The following ABHD17B variants were observed in gnomAD, a reference collection of about 807,000 sequenced individuals.
The protein encoded by ABHD17B is alpha/beta hydrolase domain-containing protein 17B.
Under a neutral mutation model 26.2 loss-of-function variants are expected in ABHD17B, and 9 were observed. That is an observed-to-expected ratio of 0.34 (90% CI 0.21 to 0.60). ABHD17B has a LOEUF of 0.60. Ranked by LOEUF, ABHD17B falls within the 20% of genes least tolerant of loss-of-function variation. The pLI, the probability that ABHD17B is intolerant of heterozygous loss-of-function variation, is 0.80. For missense variants in ABHD17B, 224 were observed against 352.1 expected (o/e 0.64, Z 2.91); for synonymous variants, 127 against 122.3 (o/e 1.04, Z -0.25).
At chr9:71,872,772 A>AT (rs1431219337) in intron 2 of ABHD17B, among the ~76,000 whole-genome samples, 17 of 152,274 alleles carry the variant, frequency 1.1e-4, no homozygotes, top group African/African-American at 4.1e-4. Context: ...TGATATCAAT[A>AT]TATGTAAAAG....
At chr9:71,863,358 A>G (rs1439532503), downstream of ABHD17B, among the ~76,000 whole-genome samples, 1 of 152,234 alleles carries the variant, frequency 6.6e-6, no homozygotes, top group South Asian at 2.1e-4. Context: ...ATTAATTTCT[A>G]GTGAGAAAAC....
intron 1 of ABHD17B, among the ~76,000 whole-genome samples, chr9:71,908,392 CAAAAAA>C (rs371201006): frequency 5.0e-5 from 2 of 39,804 alleles, no homozygotes; most frequent in African/African-American, 8.8e-5. Context: ...AACTCCGTCT[CAAAAAA>C]AAAAAAAAAA....
intron 1 of ABHD17B, among the ~76,000 whole-genome samples, chr9:71,882,581 T>G (rs913289645): frequency 6.7e-6 from 1 of 150,204 alleles, no homozygotes; most frequent in African/African-American, 2.5e-5. Flanking sequence ...TTGCTTGAAC[T>G]CGGGAGGCGG....
chr9:71,879,697 A>T (rs371321608), intron 1 of ABHD17B, among the ~76,000 whole-genome samples: 1 of 152,266 alleles, frequency 6.6e-6, no homozygotes, highest in Admixed American at 6.5e-5. Flanking sequence ...AAAGGCTTCC[A>T]CTACTACTAA....
At chr9:71,878,527 T>C (rs1022754329) in intron 1 of ABHD17B, among the ~76,000 whole-genome samples, 1 of 152,150 alleles carries the variant, frequency 6.6e-6, no homozygotes, top group African/African-American at 2.4e-5. Flanking sequence ...GATGAACATA[T>C]GACTTTCTAA....
chr9:71,894,784 C>T (rs966099979), intron 1 of ABHD17B, among the ~76,000 whole-genome samples: 1 of 152,016 alleles, frequency 6.6e-6, no homozygotes, highest in African/African-American at 2.4e-5. Context: ...ATGATCACAC[C>T]ATGGCACTAC....
intron 1 of ABHD17B, among the ~76,000 whole-genome samples, chr9:71,888,694 G>A (rs957210864): frequency 2.0e-5 from 3 of 151,838 alleles, no homozygotes; most frequent in African/African-American, 7.3e-5. Flanking sequence ...ATTTCTAAGA[G>A]TTTATACAAA....
At chr9:71,903,722 C>G (rs560616084) in intron 1 of ABHD17B, among the ~76,000 whole-genome samples, 1 of 152,332 alleles carries the variant, frequency 6.6e-6, no homozygotes, top group South Asian at 2.1e-4. Flanking sequence ...ATTTACTGCA[C>G]TGACTGGTTC....
At chr9:71,870,739 T>C (rs1195726876) in intron 2 of ABHD17B, among the ~76,000 whole-genome samples, 1 of 152,202 alleles carries the variant, frequency 6.6e-6, no homozygotes, top group Non-Finnish European at 1.5e-5. Flanking sequence ...CATATAGTTA[T>C]GGTATGAAAT....
intron 1 of ABHD17B, among the ~76,000 whole-genome samples, chr9:71,875,518 G>A (rs913459573): frequency 6.6e-6 from 1 of 152,096 alleles, no homozygotes; most frequent in East Asian, 1.9e-4. Flanking sequence ...AAGCCACCAC[G>A]CCCGGCCTTT....
chr9:71,864,115 T>C (rs575578111), downstream of ABHD17B, among the ~76,000 whole-genome samples: 7 of 152,128 alleles, frequency 4.6e-5, no homozygotes, highest in South Asian at 1.5e-3. Flanking sequence ...TTCCTTTTTC[T>C]ATCAATGGCC....
intron 1 of ABHD17B, among the ~76,000 whole-genome samples, chr9:71,909,974 A>T (rs1374401235): frequency 1.3e-5 from 2 of 151,394 alleles, no homozygotes; most frequent in Non-Finnish European, 2.9e-5. Flanking sequence ...TTTCGGGGTT[A>T]AAAAAAATCC....
At chr9:71,906,843 C>A (rs1827301108) in intron 1 of ABHD17B, among the ~76,000 whole-genome samples, 1 of 151,506 alleles carries the variant, frequency 6.6e-6, no homozygotes, top group African/African-American at 2.4e-5. Flanking sequence ...GCATCTGCAT[C>A]AGTAGGTTAA....
downstream of ABHD17B, among the ~76,000 whole-genome samples, chr9:71,863,771 T>A (rs1173375050): frequency 6.6e-6 from 1 of 152,196 alleles, no homozygotes; most frequent in Non-Finnish European, 1.5e-5. Flanking sequence ...GAGAGCCAGA[T>A]AAAATACATT....
intron 1 of ABHD17B, among the ~76,000 whole-genome samples, chr9:71,900,314 G>A (rs959346614): frequency 2.6e-5 from 4 of 151,970 alleles, no homozygotes; most frequent in African/African-American, 4.8e-5. Flanking sequence ...TTTTCTAGAC[G>A]GCCTACAAGG....
At chr9:71,870,025 A>G in intron 3 of ABHD17B, 58 bp downstream of exon 3, 1 of 1,469,922 alleles carries the variant, frequency 6.8e-7, no homozygotes. Flanking sequence ...AATACTTTAA[A>G]TGATGAAAAA....
At chr9:71,862,749 G>A (rs1825861509), downstream of ABHD17B, 2 of 574,024 alleles carry the variant, frequency 3.5e-6, no homozygotes, top group Non-Finnish European at 6.2e-6. Context: ...CTATTTACAT[G>A]ATAATTGCTG....
At position 71,874,889 on chromosome 9, in the gene ABHD17B, A is replaced by G. The variant is rs1826219453; in HGVS notation, c.192T>C (p.Asp64=). ...ADWQYSSREK[D]AIECFMTRTS... ...TTCTAGTCATGAAACACTCAATAGC[A>G]TCTTTTTCTCTAGAAGAATACTGCC... Residue 64 remains aspartate (D), a synonymous_variant, in exon 2 of 4, where the codon GAT becomes GAC. Transcript: ENST00000333421. 3.1e-6 allele frequency: 5 copies of G among 1,614,204 alleles called. No individual in the cohort carries two copies. The East Asian group carries it at 8.9e-5, about 29-fold the overall frequency.
chr9:71,893,450 A>G (rs1826852848), intron 1 of ABHD17B, among the ~76,000 whole-genome samples: 1 of 152,248 alleles, frequency 6.6e-6, no homozygotes, highest in Non-Finnish European at 1.5e-5. Context: ...TCAGGGAGAC[A>G]GATTTACCAG....
Sources: allele counts gnomAD v4.1 joint callset (sites outside exome capture counted in the v4.1 genomes callset), GRCh38; gene constraint gnomAD v4.1.1; transcripts MANE v1.5; gene names NCBI Gene and HGNC (gene_info 2026-07-23, HGNC 2026-07-21).